The following SLC25A35 variants were observed in gnomAD, a reference collection of about 807,000 sequenced individuals.
The protein encoded by SLC25A35 is solute carrier family 25, member 35.
Under a neutral mutation model 30.5 loss-of-function variants are expected in SLC25A35, and 32 were observed. The observed-to-expected ratio is 1.05, with a 90% CI of 0.79 to 1.41. The LOEUF (loss-of-function observed/expected upper bound fraction) is 1.41. Among genes scored for constraint, SLC25A35 ranks in the 40% most tolerant of loss-of-function variants. The pLI is 0.00. For synonymous variants in SLC25A35, 142 were observed against 158.1 expected, an observed-to-expected ratio of 0.90 and a Z score of 0.77; for missense variants, 369 against 388.0, an observed-to-expected ratio of 0.95 and a Z score of 0.41.
At chr17:8,288,701 A>C (rs1337638751), downstream of SLC25A35, 1 of 1,453,924 alleles carries the variant, frequency 6.9e-7, no homozygotes, top group Non-Finnish European at 9.7e-7. Context: ...TGGCGGTGGC[A>C]GCTGCGAAAC....
chr17:8,289,399 T>C (rs1374543612), downstream of SLC25A35: 6 of 1,613,892 alleles, frequency 3.7e-6, no homozygotes, highest in Non-Finnish European at 5.1e-6. Context: ...AGCAGATAGC[T>C]AAGGAAAACC....
In SLC25A35 at chr17:8,294,418, G is replaced by C. The variant is rs1276753935; in HGVS notation, c.375+15C>G. 6.5e-7 allele frequency: 1 copy of C among 1,546,700 alleles called. No individual in the cohort carries two copies. The highest frequency in any genetic ancestry group is 8.7e-7 in the Non-Finnish European group (1 of 1,148,774). ...GATCTGCCCTGAAGGTCCCAGGCAAGAGCCCTCTTCTTACCATGTAGATGG... is the reference window on the plus strand; with the variant it reads ...GATCTGCCCTGAAGGTCCCAGGCAACAGCCCTCTTCTTACCATGTAGATGG... On this transcript the variant is annotated intron_variant, in intron 1 of 4. Transcript: ENST00000577745.
rs1054248907 is a variant in SLC25A35 at position 8,290,083 on chromosome 17, A to G, written c.*422T>C. The G allele has an allele frequency of 5.2e-6, 8 of 1,532,290 alleles. No homozygotes were observed. The African/African-American group carries it at 9.7e-5, about 19-fold the overall frequency. 94.9% of individuals were successfully genotyped at this position (1,532,290 alleles called of 1,614,324 possible). ...CTCTTCAGAATAAACTTGCTTTATA[A>G]TCAATATAATCTCTGTGCCTTTGAA... On this transcript the variant is annotated 3_prime_UTR_variant, in exon 5 of 5. Transcript: ENST00000577745.
intron 2 of SLC25A35, among the ~76,000 whole-genome samples, chr17:8,291,869 G>C (rs988220056): frequency 6.6e-6 from 1 of 152,066 alleles, no homozygotes; most frequent in African/African-American, 2.4e-5. Context: ...GGCCAACATG[G>C]TGAAACCCCA....
chr17:8,294,532 G>A lies in SLC25A35; in HGVS notation c.276C>T (p.Tyr92=), dbSNP rs753356278. Residue 92 remains tyrosine (Y), a synonymous_variant, in exon 1 of 5, where the codon TAC becomes TAT. Transcript: ENST00000577745. ...TGTGGGTGCCTTCGGCTGTGTGCAG[G>A]TAGCCCCCAGCCTCAGCCAGCCCAT... ...GTYGLAEAGG[Y]LHTAEGTHSP... 6 of 1,613,894 alleles carry A rather than the reference G, an allele frequency of 3.7e-6. No homozygotes were observed. The highest frequency in any genetic ancestry group is 3.3e-5 in the South Asian group (3 of 91,084).
In SLC25A35 at chr17:8,291,368, AG is replaced by A; in HGVS notation, c.558del (p.Phe187SerfsTer8). On this transcript the variant is annotated frameshift_variant, in exon 3 of 5. Coordinates refer to ENST00000577745, the MANE Select transcript of SLC25A35 (RefSeq NM_001320870.2). LOFTEE classifies it high-confidence loss of function. Reference sequence around the variant, plus strand: ...CTCAGGAGGTCCTTGGTGGATGAGAAGGTGCACAGCTGGGTGGAGGAACCGA... The same window carrying A: ...CTCAGGAGGTCCTTGGTGGATGAGAAGTGCACAGCTGGGTGGAGGAACCGA... ...VIVGSSTQLC[T>X]FSSTKDLLSQ... The A allele has an allele frequency of 6.2e-7, 1 of 1,614,124 alleles. No homozygotes were observed. Among genetic ancestry groups the A allele is most frequent in the Non-Finnish European group, 8.5e-7 (1 of 1,180,020 alleles).
At position 8,294,771 on chromosome 17, in the gene SLC25A35, C is replaced by A. The variant is rs532025890; in HGVS notation, c.37G>T (p.Ala13Ser). The A allele has an allele frequency of 6.2e-7, 1 of 1,600,898 alleles. No individual in the cohort carries two copies. Among genetic ancestry groups the A allele is most frequent in the Non-Finnish European group, 8.5e-7 (1 of 1,171,226 alleles). The change falls in exon 1 of 5, where the codon GCC becomes TCC. Residue 13 changes from alanine (A) to serine (S), a missense_variant. Physicochemically the swap from Ala to Ser is moderately conservative, Grantham distance 99 (BLOSUM62 1). Transcript: ENST00000577745. ...FLMSGLAACG[A>S]CVFTNPLEVV... ...TCCAGGGGATTGGTGAATACACAGG[C>A]CCCGCAGGCTGCCAGGCCACTCATC...
At chr17:8,289,323 C>T (rs1990293848), downstream of SLC25A35, 2 of 1,614,066 alleles carry the variant, frequency 1.2e-6, no homozygotes, top group South Asian at 1.1e-5. Context: ...TCTGTTCAGC[C>T]TCTCAGTTTG....
At chr17:8,288,873 G>A (rs771333875), downstream of SLC25A35, 27 of 1,614,116 alleles carry the variant, frequency 1.7e-5, no homozygotes, top group Admixed American at 4.2e-4. Flanking sequence ...AAGGTGAGAA[G>A]GCCGGGGCGC....
chr17:8,289,071 C>A, downstream of SLC25A35: 1 of 1,613,324 alleles, frequency 6.2e-7, no homozygotes, highest in Non-Finnish European at 8.5e-7. Flanking sequence ...AGCGGCTGCG[C>A]GGTGAGGGAA....
chr17:8,289,980 C>CGGTTCTGT (rs1191312234), downstream of SLC25A35: 3 of 1,612,602 alleles, frequency 1.9e-6, no homozygotes, highest in Non-Finnish European at 2.5e-6. Context: ...CTTGGGGACT[C>CGGTTCTGT]GGTTCTGTGA....
intron 1 of SLC25A35, among the ~76,000 whole-genome samples, chr17:8,292,915 G>A (rs1184464997): frequency 3.3e-5 from 5 of 152,036 alleles, no homozygotes; most frequent in Admixed American, 1.3e-4. Flanking sequence ...CTGGTGTCCC[G>A]CCTCTCATGC....
intron 1 of SLC25A35, among the ~76,000 whole-genome samples, chr17:8,293,552 CTTTT>C (rs3033783): frequency 2.3e-5 from 3 of 129,152 alleles, no homozygotes. Context: ...TCTTTCTTTT[CTTTT>C]TTTTTTTTTT....
downstream of SLC25A35, chr17:8,289,114 T>TCGGACCAGTGGGCGGGGC: frequency 3.2e-6 from 5 of 1,562,424 alleles, no homozygotes; most frequent in Admixed American, 1.8e-5. Context: ...AGGGGCGGGG[T>TCGGACCAGTGGGCGGGGC]CGGACCAGTG....
chr17:8,289,797 G>C (rs373218610), downstream of SLC25A35: 17 of 1,613,576 alleles, frequency 1.1e-5, no homozygotes, highest in African/African-American at 1.7e-4. Context: ...GTCTCCATCT[G>C]TTCCCCCACC....
chr17:8,292,672 C>G (rs917500902), intron 1 of SLC25A35, 84 bp from the exon 2 acceptor site: 2 of 1,174,660 alleles, frequency 1.7e-6, no homozygotes, highest in South Asian at 1.2e-5. Flanking sequence ...CTCACACTTC[C>G]TCTAGGGTGT....
Position 8,290,911 on chromosome 17 carries a change from G to A in SLC25A35, c.660C>T (p.Val220=). 1 of 1,614,116 alleles carries A rather than the reference G, an allele frequency of 6.2e-7. No individual in the cohort carries two copies. The highest frequency in any genetic ancestry group is 1.3e-5 in the African/African-American group (1 of 75,032). The change falls in exon 4 of 5, where the codon GTC becomes GTT. Residue 220 remains valine, a synonymous_variant. Transcript: ENST00000577745. ...CCACATCAAAGGGTGCCATGGCCAA[G>A]ACAACTGCAATGCCACTCATCATGG... The part of the protein sequence containing the change: ...VAAMMSGIAV[V]LAMAPFDVAC...
downstream of SLC25A35, chr17:8,289,292 G>C (rs761466421): frequency 2.5e-6 from 4 of 1,613,964 alleles, no homozygotes; most frequent in South Asian, 4.4e-5. Flanking sequence ...CGTGCAGGGG[G>C]CTAGGGCTGT....
chr17:8,291,535 G>T, intron 2 of SLC25A35, 50 bp from the exon 3 acceptor site: 2 of 1,551,548 alleles, frequency 1.3e-6, no homozygotes, highest in Middle Eastern at 1.7e-4. Flanking sequence ...AGCATCAGGG[G>T]CTGCCATCCT....
Sources: gnomAD v4.1 joint callset for allele counts (sites outside exome capture counted in the v4.1 genomes callset) on GRCh38, gnomAD v4.1.1 for gene constraint, MANE v1.5 for transcripts, NCBI Gene and HGNC (gene_info 2026-07-23, HGNC 2026-07-21) for gene names.